The following WDR72 variants were observed in gnomAD, a reference collection of about 807,000 sequenced individuals.
The protein encoded by WDR72 is WD repeat domain 72, also known as WD repeat-containing protein 72.
In WDR72, 120 loss-of-function variants were observed where a neutral mutation model predicts 124.2. That is an observed-to-expected ratio of 0.97 (90% CI 0.83 to 1.12). The LOEUF (loss-of-function observed/expected upper bound fraction) is 1.12. WDR72 is among the 50% of genes most tolerant of loss of function. The pLI, the probability that WDR72 is intolerant of heterozygous loss-of-function variation, is 0.00. For synonymous variants in WDR72, 452 were observed against 441.7 expected (o/e 1.02, Z -0.29); for missense variants, 1,387 against 1,278.8 (o/e 1.08, Z -1.29).
chr15:53,562,673 G>T (rs1048257927), intron 18 of WDR72, among the ~76,000 whole-genome samples: 13 of 151,734 alleles, frequency 8.6e-5, no homozygotes, highest in Non-Finnish European at 1.6e-4. Context: ...ATATATAAAT[G>T]ATGTTAATAA....
chr15:53,712,954 G>C, intron 6 of WDR72, 63 bp from the exon 7 acceptor site: 2 of 1,580,546 alleles, frequency 1.3e-6, no homozygotes, highest in Non-Finnish European at 1.7e-6. Flanking sequence ...GCCATGAGAA[G>C]ACCTGCTTCC....
chr15:53,704,829 A>AAAAG (rs2140529724), intron 11 of WDR72, among the ~76,000 whole-genome samples, 159 bp downstream of exon 11: 1 of 151,422 alleles, frequency 6.6e-6, no homozygotes, highest in East Asian at 1.9e-4. Context: ...AAAAAAAAAA[A>AAAAG]AAACCTATAT....
rs183308177 is a variant in WDR72 at position 53,604,995 on chromosome 15, C to T, written c.2952+4518G>A. 1.1e-3 allele frequency among the ~76,000 whole-genome samples: 164 copies of T among 152,182 alleles called. 2 individuals are homozygous for T. The highest frequency in any genetic ancestry group is 3.8e-3 in the African/African-American group (157 of 41,500). ...CAACAATCCCATTAGTGGATATATA[C>T]CCAAAGGAATATAAATCATTCTATT... On this transcript the variant is annotated intron_variant, in intron 17 of 19. Coordinates refer to ENST00000360509, the MANE Select transcript of WDR72 (RefSeq NM_182758.4).
intron 18 of WDR72, among the ~76,000 whole-genome samples, chr15:53,592,135 T>C (rs1419805924): frequency 6.6e-6 from 1 of 151,946 alleles, no homozygotes; most frequent in East Asian, 1.9e-4. Context: ...CTTAAAAGAT[T>C]TCCCACACCA....
At chr15:53,549,116 T>C (rs907816933) in intron 18 of WDR72, among the ~76,000 whole-genome samples, 2 of 152,254 alleles carry the variant, frequency 1.3e-5, no homozygotes, top group African/African-American at 4.8e-5. Context: ...CTTTCAGTCA[T>C]AGGCATATTT....
At chr15:53,756,503 G>T (rs2018910562) in intron 1 of WDR72, among the ~76,000 whole-genome samples, 1 of 152,254 alleles carries the variant, frequency 6.6e-6, no homozygotes, top group South Asian at 2.1e-4. Context: ...AAGGTTGACT[G>T]GTTCAGTAAA....
At chr15:53,563,884 T>C (rs1034099802) in intron 18 of WDR72, among the ~76,000 whole-genome samples, 2 of 151,804 alleles carry the variant, frequency 1.3e-5, no homozygotes, top group African/African-American at 2.4e-5. Context: ...GCATCAGCAA[T>C]CTTGGGCTGA....
intron 18 of WDR72, among the ~76,000 whole-genome samples, chr15:53,525,762 G>A (rs1314561391): frequency 6.6e-6 from 1 of 151,934 alleles, no homozygotes; most frequent in Non-Finnish European, 1.5e-5. Context: ...TGTGGGGGAG[G>A]GGAAATAAAG....
At chr15:53,590,927 A>G (rs1173090258) in intron 18 of WDR72, among the ~76,000 whole-genome samples, 4 of 152,064 alleles carry the variant, frequency 2.6e-5, no homozygotes, top group Non-Finnish European at 5.9e-5. Flanking sequence ...AGAGAACACT[A>G]GTGTTCTAAA....
intron 3 of WDR72, among the ~76,000 whole-genome samples, chr15:53,720,954 T>A (rs2017860307): frequency 6.6e-6 from 1 of 152,180 alleles, no homozygotes; most frequent in African/African-American, 2.4e-5. Flanking sequence ...CCATAGCCAA[T>A]ATCTGGGACT....
chr15:53,622,405 G>A (rs1234298234), intron 14 of WDR72, among the ~76,000 whole-genome samples: 1 of 151,972 alleles, frequency 6.6e-6, no homozygotes. Flanking sequence ...GACTGGATAA[G>A]GAGAAAGTGG....
At chr15:53,590,956 C>T (rs1442160546) in intron 18 of WDR72, among the ~76,000 whole-genome samples, 1 of 150,998 alleles carries the variant, frequency 6.6e-6, no homozygotes, top group Non-Finnish European at 1.5e-5. Flanking sequence ...ATTAAAGATG[C>T]ATGGGTTTCT....
rs1285643860 is a variant in WDR72, at chr15:53,705,997, T to G, written c.1032A>C (p.Glu344Asp). The G allele has an allele frequency of 6.2e-7, 1 of 1,613,988 alleles. No individual in the cohort carries two copies. The highest frequency in any genetic ancestry group is 8.5e-7 in the Non-Finnish European group (1 of 1,180,018). The change falls in exon 10 of 20, where the codon GAA becomes GAC. Residue 344 changes from glutamate (E) to aspartate (D), a missense_variant. Coordinates refer to ENST00000360509, the MANE Select transcript of WDR72 (RefSeq NM_182758.4). ...GCCACAAAGTAATTCTTCCTGAGAC[T>G]TCTCCAGAGAAAAGTACCTTGTAAA... ...EPFYKVLFSG[E>D]VSGRITLWHI...
At chr15:53,669,932 T>G (rs886659890) in intron 13 of WDR72, among the ~76,000 whole-genome samples, 3 of 152,214 alleles carry the variant, frequency 2.0e-5, no homozygotes, top group African/African-American at 7.2e-5. Context: ...AATTAGAATT[T>G]TATTTCATTA....
chr15:53,706,026 G>GAAAAAAT lies in WDR72; in HGVS notation c.1002_1003insATTTTTT (p.Pro335IlefsTer24). ...CCAGAGAAAAGTACCTTGTAAAAAGGCTCTTTCCTTTCATTCATGTAGCCC... is the reference window on the plus strand; with the variant it reads ...CCAGAGAAAAGTACCTTGTAAAAAGGAAAAAATCTCTTTCCTTTCATTCATGTAGCCC... On this transcript the variant is annotated frameshift_variant, in exon 10 of 20. Transcript: ENST00000360509. LOFTEE classifies it high-confidence loss of function. The GAAAAAAT allele has an allele frequency of 6.2e-7, 1 of 1,613,994 alleles. No individual in the cohort carries two copies. Among genetic ancestry groups the GAAAAAAT allele is most frequent in the Non-Finnish European group, 8.5e-7 (1 of 1,179,980 alleles).
At chr15:53,587,350 G>A (rs2012265378) in intron 18 of WDR72, among the ~76,000 whole-genome samples, 1 of 151,912 alleles carries the variant, frequency 6.6e-6, no homozygotes, top group Non-Finnish European at 1.5e-5. Context: ...CCAGTGTCAA[G>A]AAAATCCATT....
chr15:53,538,868 A>G (rs992393538), intron 18 of WDR72, among the ~76,000 whole-genome samples: 4 of 152,164 alleles, frequency 2.6e-5, no homozygotes, highest in African/African-American at 9.7e-5. Flanking sequence ...GACTGGTCTC[A>G]GTAAGTACAT....
At chr15:53,676,100 C>A (rs2016163137) in intron 13 of WDR72, among the ~76,000 whole-genome samples, 1 of 152,134 alleles carries the variant, frequency 6.6e-6, no homozygotes, top group Admixed American at 6.5e-5. Flanking sequence ...TATTACCACA[C>A]CCAGTGACCT....
intron 14 of WDR72, among the ~76,000 whole-genome samples, chr15:53,654,044 C>A (rs117561676): frequency 0.018 from 2,797 of 152,240 alleles, 37 homozygotes; most frequent in Non-Finnish European, 0.025. Flanking sequence ...AATTAGAGTT[C>A]TTTCCCAAGT....
Sources: gnomAD v4.1 joint callset for allele counts (sites outside exome capture counted in the v4.1 genomes callset) on GRCh38, gnomAD v4.1.1 for gene constraint, MANE v1.5 for transcripts, NCBI Gene and HGNC (gene_info 2026-07-23, HGNC 2026-07-21) for gene names.